MAGI2: variants seen among roughly 807,000 people sequenced by gnomAD.
The protein encoded by MAGI2 is membrane associated guanylate kinase, WW and PDZ domain containing 2.
MAGI2 carries 35 observed loss-of-function variants against 133.3 expected under a neutral mutation model. The observed-to-expected ratio is 0.26, with a 90% CI of 0.20 to 0.35. The LOEUF is 0.35. Among genes scored for constraint, MAGI2 ranks in the 10% least tolerant of loss-of-function variants. MAGI2 has a pLI of 1.00. For missense variants in MAGI2, 1,636 were observed against 1,863.4 expected, an observed-to-expected ratio of 0.88 and a Z score of 2.25; for synonymous variants, 729 against 710.6, an observed-to-expected ratio of 1.03 and a Z score of -0.41.
At chr7:79,367,121 A>C (rs928587609) in intron 1 of MAGI2, among the ~76,000 whole-genome samples, 1 of 152,216 alleles carries the variant, frequency 6.6e-6, no homozygotes, top group African/African-American at 2.4e-5. Context: ...ATGGGAAAGA[A>C]TTAAGCTACA....
intron 3 of MAGI2, among the ~76,000 whole-genome samples, chr7:78,599,690 G>A (rs1181190066): frequency 6.6e-6 from 1 of 152,134 alleles, no homozygotes; most frequent in African/African-American, 2.4e-5. Context: ...AAAGACTATT[G>A]CAATGTGCCA....
chr7:79,151,360 G>A (rs1016916413), intron 1 of MAGI2, among the ~76,000 whole-genome samples: 3 of 152,100 alleles, frequency 2.0e-5, no homozygotes, highest in Non-Finnish European at 4.4e-5. Flanking sequence ...ATCTAACGAT[G>A]GAGCCCTATC....
At chr7:79,147,690 C>G (rs920638551) in intron 1 of MAGI2, among the ~76,000 whole-genome samples, 2 of 152,240 alleles carry the variant, frequency 1.3e-5, no homozygotes, top group Non-Finnish European at 2.9e-5. Context: ...CACATCTTCT[C>G]TCTCTGCCCC....
Position 78,461,780 on chromosome 7 carries a change from G to A in MAGI2, c.1045+27981C>T, listed in dbSNP as rs187407234. Among the ~76,000 whole-genome samples, 278 of 151,538 alleles carry A rather than the reference G, an allele frequency of 1.8e-3. 3 individuals carry two copies. The highest frequency in any genetic ancestry group is 6.1e-3 in the African/African-American group (253 of 41,362). On this transcript the variant is annotated intron_variant, in intron 6 of 21. Coordinates refer to ENST00000354212, the MANE Select transcript of MAGI2 (RefSeq NM_012301.4). ...CACAAAATTAGCTGGGCGTGGTGGT[G>A]CATGCCTGTAATCCCAGCTACTCAG...
At chr7:78,432,969 CACTA>C (rs1799942188) in intron 6 of MAGI2, among the ~76,000 whole-genome samples, 1 of 151,972 alleles carries the variant, frequency 6.6e-6, no homozygotes, top group Non-Finnish European at 1.5e-5. Flanking sequence ...CCTAAGAGTT[CACTA>C]ACTAATTATG....
intron 1 of MAGI2, among the ~76,000 whole-genome samples, chr7:79,344,824 C>T (rs1165052165): frequency 2.0e-5 from 3 of 151,980 alleles, no homozygotes; most frequent in Non-Finnish European, 4.4e-5. Flanking sequence ...AAAGCATACG[C>T]TAGAGAATTG....
intron 3 of MAGI2, among the ~76,000 whole-genome samples, chr7:78,596,184 G>A (rs1341063114): frequency 8.3e-6 from 1 of 120,240 alleles, no homozygotes; most frequent in Non-Finnish European, 1.7e-5. Flanking sequence ...TGAAGGAAGG[G>A]AGGGAGGGAG....
chr7:78,589,049 T>A (rs577000857), intron 3 of MAGI2, among the ~76,000 whole-genome samples: 1 of 152,180 alleles, frequency 6.6e-6, no homozygotes, highest in Non-Finnish European at 1.5e-5. Flanking sequence ...CCAGGATTCC[T>A]ATGTGGTTTA....
intron 2 of MAGI2, among the ~76,000 whole-genome samples, chr7:78,868,462 C>G (rs886957849): frequency 2.6e-5 from 4 of 152,078 alleles, no homozygotes; most frequent in South Asian, 2.1e-4. Context: ...GTAACCATTA[C>G]GTTATCATGT....
At chr7:78,565,057 T>G (rs1474756272) in intron 3 of MAGI2, among the ~76,000 whole-genome samples, 1 of 152,026 alleles carries the variant, frequency 6.6e-6, no homozygotes, top group Admixed American at 6.6e-5. Flanking sequence ...CCTTCCAAAG[T>G]GCTGGGATTA....
At chr7:79,376,464 C>T (rs923167109) in intron 1 of MAGI2, among the ~76,000 whole-genome samples, 8 of 151,788 alleles carry the variant, frequency 5.3e-5, no homozygotes, top group Non-Finnish European at 7.4e-5. Context: ...TAGCATTAGG[C>T]TTCTATTGAT....
In MAGI2 at chr7:79,145,714, T is replaced by C. The variant is rs112073588; in HGVS notation, c.302-138508A>G. ...TCTCTGCCACTCCAGAACTGAAATC[T>C]CCAGGGATTTTAATTTCTGAATTTA... On this transcript the variant is annotated intron_variant, in intron 1 of 21. Coordinates refer to ENST00000354212, the MANE Select transcript of MAGI2 (RefSeq NM_012301.4). 3.8e-3 allele frequency among the ~76,000 whole-genome samples: 577 copies of C among 152,312 alleles called. 1 individual carries two copies. The highest frequency in any genetic ancestry group is 0.013 in the African/African-American group (559 of 41,572).
intron 1 of MAGI2, among the ~76,000 whole-genome samples, chr7:79,396,958 TAG>T (rs1471900039): frequency 2.0e-5 from 3 of 151,962 alleles, no homozygotes; most frequent in African/African-American, 7.2e-5. Flanking sequence ...ATAAAAATGT[TAG>T]AGAGATAAAA....
intron 1 of MAGI2, among the ~76,000 whole-genome samples, chr7:79,305,972 A>T (rs1222556352): frequency 6.6e-6 from 1 of 150,754 alleles, no homozygotes; most frequent in South Asian, 2.1e-4. Flanking sequence ...AAATTGAACT[A>T]CATATTCCTG....
At chr7:78,589,665 C>A (rs1387561161) in intron 3 of MAGI2, among the ~76,000 whole-genome samples, 1 of 152,196 alleles carries the variant, frequency 6.6e-6, no homozygotes, top group Non-Finnish European at 1.5e-5. Flanking sequence ...GGCCGAGAAG[C>A]AATACCAGGT....
intron 2 of MAGI2, among the ~76,000 whole-genome samples, chr7:78,725,542 T>C (rs1323582867): frequency 6.6e-6 from 1 of 152,242 alleles, no homozygotes; most frequent in Non-Finnish European, 1.5e-5. Flanking sequence ...CTCACGCCTA[T>C]AATCCCAACA....
At chr7:78,775,718 G>C (rs761605126) in intron 2 of MAGI2, among the ~76,000 whole-genome samples, 1 of 152,146 alleles carries the variant, frequency 6.6e-6, no homozygotes, top group Admixed American at 6.5e-5. Context: ...AAAGGATTTA[G>C]CTTTTTTAAT....
At chr7:78,920,171 A>G (rs1799120079) in intron 2 of MAGI2, among the ~76,000 whole-genome samples, 1 of 152,134 alleles carries the variant, frequency 6.6e-6, no homozygotes, top group East Asian at 1.9e-4. Context: ...CATGTCATGG[A>G]GACTGTATAG....
chr7:78,393,562 G>A (rs996156069), intron 6 of MAGI2, among the ~76,000 whole-genome samples: 12 of 152,122 alleles, frequency 7.9e-5, no homozygotes, highest in African/African-American at 2.9e-4. Flanking sequence ...CAATGAATTT[G>A]TTTTCTTCAT....
Sources: gnomAD v4.1 joint callset for allele counts (sites outside exome capture counted in the v4.1 genomes callset) on GRCh38, gnomAD v4.1.1 for gene constraint, MANE v1.5 for transcripts, NCBI Gene and HGNC (gene_info 2026-07-23, HGNC 2026-07-21) for gene names.